Variants in PTPRT observed in about 807,000 individuals in gnomAD.
PTPRT encodes receptor-type tyrosine-protein phosphatase T.
PTPRT carries 56 observed loss-of-function variants against 176.8 expected under a neutral mutation model. That is an observed-to-expected ratio of 0.32 (90% CI 0.26 to 0.40). The LOEUF is 0.40. PTPRT is among the 10% of genes least tolerant of loss of function. The pLI, the probability that PTPRT is intolerant of heterozygous loss-of-function variation, is 1.00. For missense variants in PTPRT, 1,540 were observed against 1,908.2 expected (o/e 0.81, Z 3.60); for synonymous variants, 783 against 739.0 (o/e 1.06, Z -0.96).
intron 7 of PTPRT, among the ~76,000 whole-genome samples, chr20:42,638,034 A>T (rs2074647406): frequency 6.6e-6 from 1 of 152,144 alleles, no homozygotes; most frequent in African/African-American, 2.4e-5. Flanking sequence ...ATATTCAATA[A>T]CTTTACACTG....
intron 3 of PTPRT, among the ~76,000 whole-genome samples, chr20:42,786,335 T>C (rs1164529872): frequency 6.6e-6 from 1 of 152,216 alleles, no homozygotes; most frequent in African/African-American, 2.4e-5. Flanking sequence ...CTCTCCATTC[T>C]ACAGATGAGG....
intron 29 of PTPRT, 76 bp from the exon 30 acceptor site, chr20:42,082,093 T>C: frequency 6.3e-7 from 1 of 1,595,598 alleles, no homozygotes; most frequent in South Asian, 1.1e-5. Context: ...GCTACATCAG[T>C]AGGAGTAGGG....
chr20:42,065,289 G>A, the PTPRT span, among the ~76,000 whole-genome samples: 1 of 119,254 alleles, frequency 8.4e-6, no homozygotes, highest in Non-Finnish European at 1.5e-5. Flanking sequence ...CTTAGCTATT[G>A]ATTAATATTG....
intron 4 of PTPRT, among the ~76,000 whole-genome samples, chr20:42,774,152 A>G (rs1188207176): frequency 1.3e-5 from 2 of 152,252 alleles, no homozygotes; most frequent in African/African-American, 4.8e-5. Context: ...TGCACCTACA[A>G]GAGCCAGTTA....
At chr20:42,304,023 A>C (rs933108969) in intron 12 of PTPRT, among the ~76,000 whole-genome samples, 2 of 152,186 alleles carry the variant, frequency 1.3e-5, no homozygotes, top group African/African-American at 4.8e-5. Context: ...GGGTTTGCAA[A>C]CTTGAGGACC....
intron 1 of PTPRT, among the ~76,000 whole-genome samples, chr20:42,938,670 T>C (rs2145987816): frequency 6.6e-6 from 1 of 152,132 alleles, no homozygotes; most frequent in South Asian, 2.1e-4. Flanking sequence ...CCAGCCTAAC[T>C]CCCTCCCCCC....
intron 13 of PTPRT, among the ~76,000 whole-genome samples, chr20:42,266,049 A>G (rs2056833870): frequency 6.6e-6 from 1 of 152,220 alleles, no homozygotes. Context: ...GCTGTATCCA[A>G]TATCTTCTCA....
rs771721120 is a variant in PTPRT, at chr20:42,579,921, C to G, written c.1153+97945G>C. On this transcript the variant is annotated intron_variant, in intron 7 of 30. Coordinates refer to ENST00000373187, the MANE Select transcript of PTPRT (RefSeq NM_007050.6). ...TCTTTAGTTTAATTAGATCCCATTT[C>G]TCAATTTTGGCTTTTGTTGCCGTTG... 1.4e-3 allele frequency among the ~76,000 whole-genome samples: 213 copies of G among 152,224 alleles called. 4 individuals are homozygous for G. Among genetic ancestry groups the G allele is most frequent in the South Asian group, 0.013 (63 of 4,816 alleles).
At chr20:42,244,204 T>A (rs2056408222) in intron 14 of PTPRT, among the ~76,000 whole-genome samples, 1 of 152,178 alleles carries the variant, frequency 6.6e-6, no homozygotes. Flanking sequence ...GACTAAAAAT[T>A]TGGGGCCAGT....
intron 12 of PTPRT, among the ~76,000 whole-genome samples, chr20:42,306,058 G>T (rs1389925057): frequency 6.6e-6 from 1 of 152,302 alleles, no homozygotes; most frequent in African/African-American, 2.4e-5. Context: ...CAACATTTGG[G>T]TAACCTTCAT....
intron 26 of PTPRT, among the ~76,000 whole-genome samples, chr20:42,099,825 C>G (rs1469778154): frequency 1.4e-5 from 2 of 147,882 alleles, no homozygotes; most frequent in Admixed American, 6.7e-5. Flanking sequence ...GCTGGGGGGG[C>G]CCTTCTTCCG....
chr20:42,050,055 T>A, the PTPRT span, among the ~76,000 whole-genome samples: 1 of 152,334 alleles, frequency 6.6e-6, no homozygotes, highest in Admixed American at 6.5e-5. Flanking sequence ...CCACAAATAT[T>A]TCGGAGAACT....
At chr20:42,726,997 C>T (rs16987306) in intron 6 of PTPRT, among the ~76,000 whole-genome samples, 1,640 of 152,286 alleles carry the variant, frequency 0.011, 9 homozygotes, top group Middle Eastern at 0.048. Context: ...GTCAGTGCCC[C>T]TCACAAAAGG....
intron 9 of PTPRT, among the ~76,000 whole-genome samples, chr20:42,380,146 G>A (rs571188572): frequency 1.1e-4 from 16 of 152,246 alleles, no homozygotes; most frequent in South Asian, 4.2e-4. Flanking sequence ...TGCTACTGCA[G>A]GCTGATTTTT....
At chr20:42,964,824 G>C (rs900758100) in intron 1 of PTPRT, among the ~76,000 whole-genome samples, 10 of 151,966 alleles carry the variant, frequency 6.6e-5, no homozygotes, top group African/African-American at 2.4e-4. Context: ...AACAAAACAA[G>C]GATATTTCAG....
intron 7 of PTPRT, among the ~76,000 whole-genome samples, chr20:42,491,294 T>C (rs984440065): frequency 6.6e-6 from 1 of 152,322 alleles, no homozygotes; most frequent in South Asian, 2.1e-4. Context: ...GTAGCATATA[T>C]AGCATGGATA....
At chr20:43,159,195 A>C (rs1018987910) in intron 1 of PTPRT, among the ~76,000 whole-genome samples, 1 of 152,202 alleles carries the variant, frequency 6.6e-6, no homozygotes, top group South Asian at 2.1e-4. Flanking sequence ...CACACCCCAG[A>C]GTTCTCCCAC....
At chr20:42,032,594 C>T in the PTPRT span, among the ~76,000 whole-genome samples, 1 of 152,162 alleles carries the variant, frequency 6.6e-6, no homozygotes, top group Non-Finnish European at 1.5e-5. Flanking sequence ...CCAGTGATCC[C>T]AGCCTCCTAG....
At chr20:43,123,906 C>T (rs867183606) in intron 1 of PTPRT, among the ~76,000 whole-genome samples, 4 of 152,148 alleles carry the variant, frequency 2.6e-5, no homozygotes, top group African/African-American at 4.8e-5. Flanking sequence ...GCCATTGATT[C>T]GAAAGGCTTT....
Sources: gnomAD v4.1 joint callset for allele counts (sites outside exome capture counted in the v4.1 genomes callset) on GRCh38, gnomAD v4.1.1 for gene constraint, MANE v1.5 for transcripts, NCBI Gene and HGNC (gene_info 2026-07-23, HGNC 2026-07-21) for gene names.